The following ZFAND3 variants were observed in gnomAD, a reference collection of about 807,000 sequenced individuals.
ZFAND3 encodes the protein zinc finger AN1-type containing 3.
In ZFAND3, 10 loss-of-function variants were observed where a neutral mutation model predicts 29.6. That is an observed-to-expected ratio of 0.34 (90% CI 0.21 to 0.57). ZFAND3 has a LOEUF of 0.57. Ranked by LOEUF, ZFAND3 falls within the 20% of genes least tolerant of loss-of-function variation. ZFAND3 has a pLI of 0.86. For synonymous variants in ZFAND3, 128 were observed against 112.6 expected (o/e 1.14, Z -0.87); for missense variants, 230 against 304.5 (o/e 0.76, Z 1.82).
intron 3 of ZFAND3, among the ~76,000 whole-genome samples, chr6:38,078,535 G>A (rs966723316): frequency 6.6e-6 from 1 of 152,190 alleles, no homozygotes; most frequent in Non-Finnish European, 1.5e-5. Flanking sequence ...GTTATTTCAG[G>A]TTGGTTAATC....
intron 4 of ZFAND3, among the ~76,000 whole-genome samples, chr6:38,109,118 T>G (rs1167955757): frequency 1.3e-5 from 2 of 150,004 alleles, no homozygotes; most frequent in Admixed American, 1.3e-4. Flanking sequence ...GCATACAGAT[T>G]AGAAAGAAGA....
At chr6:37,902,852 T>C (rs1765345948) in intron 1 of ZFAND3, among the ~76,000 whole-genome samples, 1 of 150,944 alleles carries the variant, frequency 6.6e-6, no homozygotes, top group African/African-American at 2.4e-5. Flanking sequence ...TAGCTGGGAC[T>C]ATATATAGGC....
At chr6:38,043,278 G>A (rs1472390797) in intron 2 of ZFAND3, among the ~76,000 whole-genome samples, 13 of 147,716 alleles carry the variant, frequency 8.8e-5, no homozygotes, top group Admixed American at 8.8e-4. Flanking sequence ...ACCATGCCCA[G>A]CCCTCTATTC....
At chr6:38,069,410 T>G (rs1223720147) in intron 3 of ZFAND3, among the ~76,000 whole-genome samples, 1 of 152,234 alleles carries the variant, frequency 6.6e-6, no homozygotes, top group Non-Finnish European at 1.5e-5. Flanking sequence ...GAGATAATTA[T>G]ACAACAGATG....
chr6:37,864,715 A>G (rs12664768), intron 1 of ZFAND3, among the ~76,000 whole-genome samples: 32,526 of 150,738 alleles, frequency 0.22, 4,299 homozygotes, highest in African/African-American at 0.37. Context: ...TCATATGTTT[A>G]TGTATGTTTA....
intron 1 of ZFAND3, among the ~76,000 whole-genome samples, chr6:37,918,975 A>G (rs1356919694): frequency 4.9e-5 from 3 of 61,190 alleles, no homozygotes; most frequent in Non-Finnish European, 8.6e-5. Context: ...TTTTTTTGAG[A>G]CGGAGTCTCG....
chr6:38,082,404 C>A lies in ZFAND3; in HGVS notation c.308C>A (p.Thr103Lys). Residue 103 changes from threonine to lysine, a missense_variant, in exon 4 of 6, where the codon ACA (threonine) becomes AAA (lysine). Transcript: ENST00000287218. ...TTTCTGTTTCTAGGTGGGCCATGCA[C>A]AGACACAGCTCATGTCTCATTAATC... ...SPSKEECGPCTDTAHVSLITP... is the reference protein window; with the variant it reads ...SPSKEECGPCKDTAHVSLITP... 1 of 1,612,058 alleles carries A rather than the reference C, an allele frequency of 6.2e-7. No homozygotes were observed. Among genetic ancestry groups the A allele is most frequent in the South Asian group, 1.1e-5 (1 of 90,780 alleles).
chr6:38,096,498 T>A (rs1326944664), intron 4 of ZFAND3, among the ~76,000 whole-genome samples: 2 of 152,208 alleles, frequency 1.3e-5, no homozygotes, highest in Non-Finnish European at 2.9e-5. Context: ...AGCTTAGTGT[T>A]CTAAAATTTG....
chr6:38,116,770 A>T (rs745993525), intron 5 of ZFAND3, 31 bp downstream of exon 5: 3 of 1,603,614 alleles, frequency 1.9e-6, no homozygotes, highest in Non-Finnish European at 2.6e-6. Flanking sequence ...CGTGATGGAG[A>T]CTATATCCTT....
chr6:37,874,439 C>T (rs1034313323), intron 1 of ZFAND3, among the ~76,000 whole-genome samples: 11 of 139,304 alleles, frequency 7.9e-5, no homozygotes, highest in South Asian at 4.6e-4. Context: ...CACTTGAACC[C>T]GGGAGGTGAG....
chr6:37,916,483 C>T (rs956143699), intron 1 of ZFAND3, among the ~76,000 whole-genome samples: 2 of 148,646 alleles, frequency 1.3e-5, no homozygotes, highest in Non-Finnish European at 3.0e-5. Flanking sequence ...CACGGTGAAA[C>T]GCTGTCTCTA....
intron 2 of ZFAND3, among the ~76,000 whole-genome samples, chr6:37,963,115 T>C (rs1425522626): frequency 6.6e-6 from 1 of 152,158 alleles, no homozygotes; most frequent in Admixed American, 6.5e-5. Flanking sequence ...ACTGTAACAC[T>C]CGCTGCGAGG....
At chr6:37,900,763 G>A (rs1247469031) in intron 1 of ZFAND3, among the ~76,000 whole-genome samples, 1 of 152,052 alleles carries the variant, frequency 6.6e-6, no homozygotes, top group Non-Finnish European at 1.5e-5. Context: ...TTGCAGAATC[G>A]GGTGGGGCAA....
At chr6:37,854,758 TA>T (rs1293718048) in intron 1 of ZFAND3, among the ~76,000 whole-genome samples, 2 of 109,820 alleles carry the variant, frequency 1.8e-5, no homozygotes, top group African/African-American at 6.7e-5. Flanking sequence ...CTACATAGGC[TA>T]AAATGCCCCC....
At chr6:38,033,474 A>T (rs1480753588) in intron 2 of ZFAND3, among the ~76,000 whole-genome samples, 1 of 152,102 alleles carries the variant, frequency 6.6e-6, no homozygotes, top group East Asian at 1.9e-4. Context: ...TCGTCACCTC[A>T]TTTTAAGACA....
chr6:38,048,380 G>A (rs1763950383), intron 2 of ZFAND3, among the ~76,000 whole-genome samples: 2 of 151,732 alleles, frequency 1.3e-5, no homozygotes, highest in African/African-American at 4.8e-5. Context: ...CCAGCACTTT[G>A]GGAGGCCGAG....
At chr6:37,827,973 G>A (rs979048779) in intron 1 of ZFAND3, among the ~76,000 whole-genome samples, 1 of 152,236 alleles carries the variant, frequency 6.6e-6, no homozygotes, top group African/African-American at 2.4e-5. Context: ...TTACCTGGCA[G>A]AGTGAGGTTG....
chr6:37,876,487 G>C (rs1764795096), intron 1 of ZFAND3, among the ~76,000 whole-genome samples: 1 of 152,142 alleles, frequency 6.6e-6, no homozygotes. Context: ...ATAAAATATA[G>C]AAGAAAATAG....
chr6:37,999,245 G>A (rs1307670999), intron 2 of ZFAND3, among the ~76,000 whole-genome samples: 2 of 152,144 alleles, frequency 1.3e-5, no homozygotes, highest in African/African-American at 4.8e-5. Flanking sequence ...GTTGTAACCC[G>A]AAATATAAAA....
Sources: allele counts gnomAD v4.1 joint callset (sites outside exome capture counted in the v4.1 genomes callset), GRCh38; gene constraint gnomAD v4.1.1; transcripts MANE v1.5; gene names NCBI Gene and HGNC (gene_info 2026-07-23, HGNC 2026-07-21).